AHR: variants seen among roughly 807,000 people sequenced by gnomAD.
AHR encodes the protein AH-receptor.
AHR carries 40 observed loss-of-function variants against 86.8 expected under a neutral mutation model. The ratio of observed to expected loss-of-function variants is 0.46; its 90% CI spans 0.36 to 0.60. The LOEUF is 0.60. Ranked by LOEUF, AHR falls within the 20% of genes least tolerant of loss-of-function variation. The pLI, the probability that AHR is intolerant of heterozygous loss-of-function variation, is 0.00. For missense variants in AHR, 1,001 were observed against 1,011.6 expected (o/e 0.99, Z 0.14); for synonymous variants, 398 against 354.9 (o/e 1.12, Z -1.37).
intron 2 of AHR, among the ~76,000 whole-genome samples, chr7:17,319,243 G>T (rs1247628099): frequency 6.6e-6 from 1 of 152,062 alleles, no homozygotes; most frequent in African/African-American, 2.4e-5. Context: ...GTCCTTGATT[G>T]TCAGTGATTG....
intron 2 of AHR, among the ~76,000 whole-genome samples, chr7:17,312,375 G>T (rs1190900274): frequency 2.0e-5 from 3 of 152,060 alleles, no homozygotes; most frequent in African/African-American, 4.8e-5. Context: ...GAAAAAAAAA[G>T]TATAGGTTTT....
intron 6 of AHR, among the ~76,000 whole-genome samples, chr7:17,333,478 A>G (rs1448027850): frequency 6.6e-6 from 1 of 151,946 alleles, no homozygotes; most frequent in Non-Finnish European, 1.5e-5. Context: ...TTTTGCCTCT[A>G]TAGAAAAGAT....
At chr7:17,326,737 C>G (rs1782234519) in intron 3 of AHR, among the ~76,000 whole-genome samples, 1 of 152,068 alleles carries the variant, frequency 6.6e-6, no homozygotes, top group African/African-American at 2.4e-5. Context: ...TAGTAATAGA[C>G]AGAGACAGGA....
chr7:17,341,603 G>A (rs754122833), intron 10 of AHR, among the ~76,000 whole-genome samples: 3 of 152,206 alleles, frequency 2.0e-5, no homozygotes, highest in South Asian at 4.1e-4. Flanking sequence ...CACTTGAAAT[G>A]TGGCTAGTCC....
rs1782401746 is a variant in AHR at position 17,339,990 on chromosome 7, G to A, written c.2165G>A (p.Gly722Glu). ...SKCTELDYPM[G>E]SFEPSPYPTT... ...TGTACAGAGCTGGACTACCCTATGG[G>A]GAGTTTTGAACCATCCCCATACCCC... Residue 722 changes from glycine (G) to glutamate (E), a missense_variant, in exon 10 of 11, where the codon GGG (glycine) becomes GAG (glutamate). Physicochemically the swap from Gly to Glu is moderately conservative, Grantham distance 98. This residue lies in a region of AHR where 607 missense variants were observed against 543.1 expected (regional missense o/e 1.12). Transcript: ENST00000242057. 1 of 1,614,108 alleles carries A rather than the reference G, an allele frequency of 6.2e-7. No individual in the cohort carries two copies. The highest frequency in any genetic ancestry group is 1.6e-4 in the Middle Eastern group (1 of 6,062).
At chr7:17,311,799 A>C (rs1320555627) in intron 2 of AHR, among the ~76,000 whole-genome samples, 1 of 152,210 alleles carries the variant, frequency 6.6e-6, no homozygotes, top group South Asian at 2.1e-4. Flanking sequence ...TGTATTAGCT[A>C]TAGTCATTTA....
chr7:17,301,627 C>G (rs2115348797), intron 1 of AHR, among the ~76,000 whole-genome samples: 1 of 151,790 alleles, frequency 6.6e-6, no homozygotes, highest in South Asian at 2.1e-4. Context: ...CAATTGTAAC[C>G]TGAAGCTCTT....
chr7:17,298,908 A>G lies in AHR; in HGVS notation c.-357A>G. On this transcript the variant is annotated 5_prime_UTR_variant, in exon 1 of 11. Transcript: ENST00000242057. ...CGTGAGCGACCCAGGCCAGGATTCT[A>G]AATAGACGGCCCAGGCTCCTCCTCC... 2.4e-6 allele frequency: 1 copy of G among 410,654 alleles called. No individual in the cohort carries two copies. The allele number at this position is 410,654 out of a possible 1,614,324, so 25.4% of individuals were successfully genotyped here.
intron 1 of AHR, 23 bp from the exon 2 acceptor site, chr7:17,309,913 A>G (rs1365685735): frequency 6.7e-6 from 10 of 1,503,090 alleles, no homozygotes; most frequent in African/African-American, 1.4e-5. Flanking sequence ...AGGATTTTTT[A>G]TGGTATTTTG....
intron 1 of AHR, among the ~76,000 whole-genome samples, chr7:17,303,551 T>C (rs1040752492): frequency 6.6e-6 from 1 of 152,138 alleles, no homozygotes. Context: ...TCCTGTCTTA[T>C]TGATTTGCTA....
At chr7:17,330,203 A>G (rs1453073574) in intron 5 of AHR, 128 bp downstream of exon 5, 65 of 898,642 alleles carry the variant, frequency 7.2e-5, no homozygotes, top group Non-Finnish European at 9.5e-5. Flanking sequence ...AAAGTCTGCA[A>G]TCATAGGCCA....
intron 4 of AHR, among the ~76,000 whole-genome samples, chr7:17,328,684 TAAC>T (rs1782253577): frequency 6.6e-6 from 1 of 151,918 alleles, no homozygotes; most frequent in Admixed American, 6.6e-5. Flanking sequence ...CTGGTCTTAA[TAAC>T]AGTTATATAG....
Position 17,299,073 on chromosome 7 carries a change from G to A in AHR, c.-192G>A. 1.8e-6 allele frequency: 1 copy of A among 569,172 alleles called. No individual in the cohort carries two copies. Among genetic ancestry groups the A allele is most frequent in the South Asian group, 2.6e-5 (1 of 38,076 alleles). The allele number at this position is 569,172 out of a possible 1,614,324, so 35.3% of individuals were successfully genotyped here. A position where few individuals can be genotyped will look rare whatever the true frequency, so the allele number is the denominator to read the frequency against. The stretch of plus-strand genomic sequence containing the variant: ...CAGGCAGCTCACCTGTACTGGCGCG[G>A]GCTGCGGAAGCCTGCGTGAGCCGAG... On this transcript the variant is annotated 5_prime_UTR_variant, in exon 1 of 11. Coordinates refer to ENST00000242057, the MANE Select transcript of AHR (RefSeq NM_001621.5).
At chr7:17,320,344 C>CT (rs1048382978) in intron 2 of AHR, among the ~76,000 whole-genome samples, 16 of 152,016 alleles carry the variant, frequency 1.1e-4, no homozygotes, top group Non-Finnish European at 8.8e-5. Flanking sequence ...TGAATGGTCT[C>CT]TTTCATTGCT....
rs747695071 is a variant in AHR at position 17,340,085 on chromosome 7, CCA to C, written c.2263_2264del (p.Gln755ValfsTer54). ...LPENQKHGLN[P>X]QSAIITPQTC... ...TGAAAACCAAAAGCATGGATTAAATCCACAGTCAGCCATAATAACTCCTCAGA... is the reference window on the plus strand; with the variant it reads ...TGAAAACCAAAAGCATGGATTAAATCCAGTCAGCCATAATAACTCCTCAGA... On this transcript the variant is annotated frameshift_variant, in exon 10 of 11. Transcript: ENST00000242057. 1.2e-6 allele frequency: 2 copies of C among 1,614,154 alleles called. No individual in the cohort carries two copies. The highest frequency in any genetic ancestry group is 8.5e-7 in the Non-Finnish European group (1 of 1,180,022).
At chr7:17,315,404 CTA>C (rs956422779) in intron 2 of AHR, among the ~76,000 whole-genome samples, 1 of 152,018 alleles carries the variant, frequency 6.6e-6, no homozygotes, top group Non-Finnish European at 1.5e-5. Flanking sequence ...TTCAAACAAT[CTA>C]AACTCATTGT....
chr7:17,306,832 T>C (rs1782010796), intron 1 of AHR, among the ~76,000 whole-genome samples: 1 of 152,172 alleles, frequency 6.6e-6, no homozygotes, highest in Non-Finnish European at 1.5e-5. Flanking sequence ...TTAACCTCAC[T>C]GTCACTGCCT....
At chr7:17,310,695 C>T (rs1174310042) in intron 2 of AHR, among the ~76,000 whole-genome samples, 2 of 151,898 alleles carry the variant, frequency 1.3e-5, no homozygotes, top group Non-Finnish European at 2.9e-5. Context: ...CCACCACGCC[C>T]AGCTAATTTT....
In AHR at chr7:17,313,360, G is replaced by A. The variant is rs576517486; in HGVS notation, c.253+3237G>A. On this transcript the variant is annotated intron_variant, in intron 2 of 10. Coordinates refer to ENST00000242057, the MANE Select transcript of AHR (RefSeq NM_001621.5). Reference sequence around the variant, plus strand: ...AAACAGTATAGCGAAGCGAAGGGAAGCTCAAAGTGAATAACAGGATGCAAA... The same window carrying A: ...AAACAGTATAGCGAAGCGAAGGGAAACTCAAAGTGAATAACAGGATGCAAA... Among the ~76,000 whole-genome samples, 16 of 152,298 alleles carry A rather than the reference G, an allele frequency of 1.1e-4. 1 individual carries two copies. The South Asian group carries it at 3.1e-3, about 30-fold the overall frequency.
Sources: gnomAD v4.1 joint callset for allele counts (sites outside exome capture counted in the v4.1 genomes callset) on GRCh38, gnomAD v4.1.1 for gene constraint, gnomAD v4.1.1 regional missense constraint, MANE v1.5 for transcripts, NCBI Gene and HGNC (gene_info 2026-07-23, HGNC 2026-07-21) for gene names.